Variants in NTAQ1 observed in about 807,000 individuals in gnomAD.
The protein encoded by NTAQ1 is N-terminal glutamine amidase 1, also known as protein N-terminal glutamine amidohydrolase.
NTAQ1 carries 21 observed loss-of-function variants against 28.2 expected under a neutral mutation model. The observed-to-expected ratio is 0.74, with a 90% confidence interval of 0.53 to 1.07. The LOEUF is 1.07. NTAQ1 is among the 50% of genes least tolerant of loss of function. NTAQ1 has a pLI of 0.00. For synonymous variants in NTAQ1, 105 were observed against 90.0 expected (o/e 1.17, Z -0.94); for missense variants, 264 against 256.6 (o/e 1.03, Z -0.20).
chr8:123,454,381 T>TG (rs201276498), intron 6 of NTAQ1, among the ~76,000 whole-genome samples: 4 of 150,162 alleles, frequency 2.7e-5, no homozygotes, highest in South Asian at 2.1e-4. Context: ...TGTTTTGTTT[T>TG]TTTTGAGAGG....
At chr8:123,420,187 T>G (rs1041266139) in intron 1 of NTAQ1, among the ~76,000 whole-genome samples, 1 of 152,170 alleles carries the variant, frequency 6.6e-6, no homozygotes, top group Non-Finnish European at 1.5e-5. Context: ...GTCCCTGTGT[T>G]AATTCACTTG....
At chr8:123,461,103 T>G (rs761383736) in intron 6 of NTAQ1, among the ~76,000 whole-genome samples, 1 of 152,210 alleles carries the variant, frequency 6.6e-6, no homozygotes, top group Non-Finnish European at 1.5e-5. Context: ...GGTCCTGGCT[T>G]GGGCAGGCGG....
chr8:123,473,462 A>G (rs1816061663), downstream of NTAQ1, among the ~76,000 whole-genome samples: 1 of 151,926 alleles, frequency 6.6e-6, no homozygotes, highest in Non-Finnish European at 1.5e-5. Flanking sequence ...CACCTGGCTA[A>G]TTTTTGTATT....
intron 1 of NTAQ1, among the ~76,000 whole-genome samples, chr8:123,424,926 A>G (rs1300183466): frequency 8.5e-5 from 13 of 152,150 alleles, no homozygotes; most frequent in Non-Finnish European, 4.4e-5. Context: ...TTAGCACAGT[A>G]TTTTGTACAT....
chr8:123,419,730 A>C, intron 1 of NTAQ1, among the ~76,000 whole-genome samples: 1 of 67,524 alleles, frequency 1.5e-5, no homozygotes, highest in African/African-American at 5.3e-5. Context: ...GGGCAAATCC[A>C]CAGCCCTCCC....
chr8:123,451,352 A>T (rs1372324128), downstream of NTAQ1, among the ~76,000 whole-genome samples: 4 of 151,780 alleles, frequency 2.6e-5, no homozygotes, highest in African/African-American at 9.7e-5. Flanking sequence ...CCTTTTTTTT[A>T]AATTAAGATG....
intron 6 of NTAQ1, among the ~76,000 whole-genome samples, chr8:123,461,354 G>A (rs1425963929): frequency 1.3e-5 from 2 of 151,948 alleles, no homozygotes; most frequent in African/African-American, 4.8e-5. Context: ...CTCCCTACTG[G>A]TGTTTCCTAG....
chr8:123,447,340 G>A (rs943648289), intron 6 of NTAQ1, among the ~76,000 whole-genome samples: 2 of 129,214 alleles, frequency 1.5e-5, no homozygotes, highest in Non-Finnish European at 3.4e-5. Context: ...ATATATGAAC[G>A]TGTTCTTTTT....
downstream of NTAQ1, among the ~76,000 whole-genome samples, chr8:123,451,854 G>A (rs1391334279): frequency 6.6e-6 from 1 of 152,196 alleles, no homozygotes; most frequent in East Asian, 1.9e-4. Flanking sequence ...GAAAACTGCT[G>A]CTAAAGTCTT....
rs148376360 is a variant in NTAQ1, at chr8:123,424,775, C to T, written c.84-3149C>T. Among the ~76,000 whole-genome samples, 980 of 152,278 alleles carry T rather than the reference C, an allele frequency of 6.4e-3. 16 individuals are homozygous for T. Among genetic ancestry groups the T allele is most frequent in the African/African-American group, 0.023 (935 of 41,552 alleles). ...GAGAAACTACAACCTATACCTCTTCCCATATCCCTCCGAATTAATGACACC... is the reference window on the plus strand; with the variant it reads ...GAGAAACTACAACCTATACCTCTTCTCATATCCCTCCGAATTAATGACACC... On this transcript the variant is annotated intron_variant, in intron 1 of 5. Transcript: ENST00000287387.
At chr8:123,466,030 C>T (rs1323123839) in intron 6 of NTAQ1, among the ~76,000 whole-genome samples, 2 of 152,184 alleles carry the variant, frequency 1.3e-5, no homozygotes, top group Admixed American at 6.5e-5. Flanking sequence ...CAAGAGGACC[C>T]TCTGGGAGGG....
At chr8:123,470,542 A>C (rs1023695536), downstream of NTAQ1, among the ~76,000 whole-genome samples, 1 of 152,142 alleles carries the variant, frequency 6.6e-6, no homozygotes, top group Non-Finnish European at 1.5e-5. Flanking sequence ...TTAAAAGTGA[A>C]CCTGTGTTGA....
intron 1 of NTAQ1, among the ~76,000 whole-genome samples, chr8:123,423,190 T>G (rs1813816368): frequency 6.6e-6 from 1 of 152,052 alleles, no homozygotes; most frequent in Admixed American, 6.6e-5. Context: ...ACAACTCGCT[T>G]GCTCTTCCTT....
chr8:123,429,559 G>T (rs1246645840), intron 2 of NTAQ1, among the ~76,000 whole-genome samples: 4 of 151,962 alleles, frequency 2.6e-5, no homozygotes, highest in Non-Finnish European at 2.9e-5. Context: ...CTCCAGCCAG[G>T]GCAGCATCAC....
chr8:123,445,353 A>C (rs902918635), downstream of NTAQ1, among the ~76,000 whole-genome samples: 4 of 152,048 alleles, frequency 2.6e-5, no homozygotes, highest in Non-Finnish European at 5.9e-5. Flanking sequence ...AGAAAAATAC[A>C]TTTTACTTTT....
exon 7 of NTAQ1, among the ~76,000 whole-genome samples, chr8:123,468,063 G>A (rs960561224): frequency 6.6e-6 from 1 of 152,190 alleles, no homozygotes; most frequent in Non-Finnish European, 1.5e-5. Flanking sequence ...GAAGCAGGAG[G>A]CCAGATCAAG....
chr8:123,433,405 C>T (rs1554652731), intron 3 of NTAQ1, among the ~76,000 whole-genome samples: 1 of 152,044 alleles, frequency 6.6e-6, no homozygotes, highest in Non-Finnish European at 1.5e-5. Context: ...CCATTGGGCT[C>T]CTGTCCTCTT....
At chr8:123,462,932 C>A (rs185193981) in intron 6 of NTAQ1, among the ~76,000 whole-genome samples, 4 of 152,330 alleles carry the variant, frequency 2.6e-5, no homozygotes, top group African/African-American at 9.6e-5. Context: ...CTGTAAAAGT[C>A]TTGGGGCTTT....
Position 123,436,506 on chromosome 8 carries a change from T to C in NTAQ1, c.288T>C (p.Tyr96=), listed in dbSNP as rs199497634. 6 of 1,614,030 alleles carry C rather than the reference T, an allele frequency of 3.7e-6. No homozygotes were observed. In the East Asian group the frequency reaches 6.7e-5, roughly 18 times the overall value. ...CAAGTGGAGGACAGAACTTCATTTA[T>C]GATCTCGATACTGTCTTGCCATTTC... ...HVSSGGQNFI[Y]DLDTVLPFPC... The change falls in exon 4 of 6, where the codon TAT becomes TAC. Residue 96 remains tyrosine (Y), a synonymous_variant. Transcript: ENST00000287387.
Sources: allele counts gnomAD v4.1 joint callset (sites outside exome capture counted in the v4.1 genomes callset), GRCh38; gene constraint gnomAD v4.1.1; transcripts MANE v1.5; gene names NCBI Gene and HGNC (gene_info 2026-07-23, HGNC 2026-07-21).